Variants in CPED1 observed in about 807,000 individuals in gnomAD.
CPED1 encodes cadherin-like and PC-esterase domain-containing protein 1.
In CPED1, 114 loss-of-function variants were observed where a neutral mutation model predicts 128.2. The observed-to-expected ratio is 0.89, with a 90% CI of 0.76 to 1.04. The LOEUF is 1.04. Ranked by LOEUF, CPED1 falls within the 50% of genes least tolerant of loss-of-function variation. CPED1 has a pLI of 0.00. For missense variants in CPED1, 1,211 were observed against 1,207.1 expected (o/e 1.00, Z -0.05); for synonymous variants, 462 against 426.7 (o/e 1.08, Z -1.02).
intron 22 of CPED1, among the ~76,000 whole-genome samples, chr7:121,288,502 A>G (rs897562733): frequency 1.3e-5 from 2 of 152,184 alleles, no homozygotes; most frequent in African/African-American, 4.8e-5. Flanking sequence ...TAGGTTATCA[A>G]CCTTCCATTG....
At chr7:121,086,153 G>C (rs1411386243) in intron 5 of CPED1, among the ~76,000 whole-genome samples, 1 of 151,496 alleles carries the variant, frequency 6.6e-6, no homozygotes, top group East Asian at 1.9e-4. Flanking sequence ...TCCCGTGTAG[G>C]TCAGCCCAGC....
At chr7:121,070,595 T>A (rs1200101953) in intron 5 of CPED1, among the ~76,000 whole-genome samples, 2 of 152,178 alleles carry the variant, frequency 1.3e-5, no homozygotes, top group Non-Finnish European at 2.9e-5. Flanking sequence ...TGCATTTTTA[T>A]AAAAGAAGCT....
chr7:121,271,316 G>T lies in CPED1; in HGVS notation c.2754G>T (p.Leu918Phe). 6.2e-7 allele frequency: 1 copy of T among 1,611,616 alleles called. No individual in the cohort carries two copies. Among genetic ancestry groups the T allele is most frequent in the South Asian group, 1.1e-5 (1 of 90,778 alleles). ...TACAGAACTTATGGAAAGAAAATTT[G>T]ATTATTCTGGATACTGCAAAAAAAC... ...SEVQNLWKENLIILDTAKKHG... is the reference protein window; with the variant it reads ...SEVQNLWKENFIILDTAKKHG... The change falls in exon 22 of 23, where the codon TTG becomes TTT. Residue 918 changes from leucine (L) to phenylalanine (F), a missense_variant. Physicochemically the swap from Leu to Phe is conservative, Grantham distance 22. Coordinates refer to ENST00000310396, the MANE Select transcript of CPED1 (RefSeq NM_024913.5).
At chr7:121,198,238 T>C (rs1330048629) in intron 16 of CPED1, among the ~76,000 whole-genome samples, 2 of 152,184 alleles carry the variant, frequency 1.3e-5, no homozygotes, top group Admixed American at 6.5e-5. Flanking sequence ...AAAAATGTTA[T>C]TGAACCAAAC....
At chr7:121,097,126 T>G (rs577055917) in intron 5 of CPED1, among the ~76,000 whole-genome samples, 3 of 152,298 alleles carry the variant, frequency 2.0e-5, no homozygotes, top group African/African-American at 7.2e-5. Context: ...TAACTTTATT[T>G]TTAAGCATGT....
chr7:121,049,612 G>GT (rs1352884073), intron 4 of CPED1, among the ~76,000 whole-genome samples: 2 of 152,216 alleles, frequency 1.3e-5, no homozygotes, highest in Non-Finnish European at 2.9e-5. Flanking sequence ...GCTATTCAAG[G>GT]TTTTTTGTGA....
chr7:121,089,634 T>C (rs1039380901), intron 5 of CPED1, among the ~76,000 whole-genome samples: 1 of 152,186 alleles, frequency 6.6e-6, no homozygotes, highest in African/African-American at 2.4e-5. Flanking sequence ...TTCAATGATA[T>C]CTGATAGTTA....
intron 2 of CPED1, among the ~76,000 whole-genome samples, chr7:121,011,837 A>G (rs1196760872): frequency 6.6e-6 from 1 of 152,204 alleles, no homozygotes; most frequent in African/African-American, 2.4e-5. Context: ...GCTTTTTAGG[A>G]CATAGATCAA....
intron 10 of CPED1, among the ~76,000 whole-genome samples, chr7:121,127,866 A>G (rs1034583260): frequency 6.6e-6 from 1 of 151,960 alleles, no homozygotes; most frequent in African/African-American, 2.4e-5. Context: ...ATACTTTTTT[A>G]TTTTTTAATT....
chr7:121,097,631 C>CT, intron 5 of CPED1, 68 bp from the exon 6 acceptor site: 1 of 1,566,792 alleles, frequency 6.4e-7, no homozygotes. Context: ...ACAGCATACT[C>CT]TATTTTCAAA....
chr7:121,077,764 A>G (rs1794169750), intron 5 of CPED1, among the ~76,000 whole-genome samples: 1 of 151,586 alleles, frequency 6.6e-6, no homozygotes. Flanking sequence ...ATACACTTAC[A>G]TATTTACAAA....
At chr7:121,063,041 G>T (rs925576801) in intron 4 of CPED1, 1 of 152,152 alleles carries the variant, frequency 6.6e-6, no homozygotes, top group African/African-American at 2.4e-5. Context: ...TAAACACTTT[G>T]GTGTCCTTGT....
chr7:121,156,003 CA>C (rs1323947735), intron 16 of CPED1, among the ~76,000 whole-genome samples: 1 of 151,756 alleles, frequency 6.6e-6, no homozygotes, highest in Non-Finnish European at 1.5e-5. Flanking sequence ...AACTCAATAG[CA>C]AAAAAATAAA....
chr7:121,146,662 A>G (rs1329463467), intron 16 of CPED1, among the ~76,000 whole-genome samples: 3 of 152,178 alleles, frequency 2.0e-5, no homozygotes, highest in African/African-American at 7.2e-5. Flanking sequence ...AGATAATTTG[A>G]TTAATTTATT....
intron 12 of CPED1, 56 bp downstream of exon 12, chr7:121,130,350 T>C: frequency 6.9e-7 from 1 of 1,455,842 alleles, no homozygotes; most frequent in Non-Finnish European, 9.2e-7. Context: ...GTTTACAGAT[T>C]GATTTCAAAA....
In CPED1 at chr7:121,095,018, G is replaced by A. The variant is rs76025387; in HGVS notation, c.617-2681G>A. Among the ~76,000 whole-genome samples, 3 of 152,268 alleles carry A rather than the reference G, an allele frequency of 2.0e-5. No homozygotes were observed. The East Asian group carries it at 5.8e-4, about 29-fold the overall frequency. ...GTTTGCATATTATGCGGGCAGGAAA[G>A]CCCTAAAGAGTCATGCCTAGGTATT... On this transcript the variant is annotated intron_variant, in intron 5 of 22. Coordinates refer to ENST00000310396, the MANE Select transcript of CPED1 (RefSeq NM_024913.5).
At chr7:121,108,488 T>A (rs536970513) in intron 7 of CPED1, among the ~76,000 whole-genome samples, 1 of 152,244 alleles carries the variant, frequency 6.6e-6, no homozygotes, top group South Asian at 2.1e-4. Flanking sequence ...CAGCTCAAAT[T>A]CATATCATAA....
At chr7:121,288,086 A>G (rs1325258418) in intron 22 of CPED1, among the ~76,000 whole-genome samples, 2 of 152,174 alleles carry the variant, frequency 1.3e-5, no homozygotes, top group Non-Finnish European at 2.9e-5. Context: ...AACATTTTGC[A>G]TTCCTGAAAT....
chr7:121,194,038 ATATATATATAT>A (rs1337363880), intron 16 of CPED1, among the ~76,000 whole-genome samples: 4 of 107,678 alleles, frequency 3.7e-5, no homozygotes, highest in African/African-American at 1.5e-4. Context: ...ATATATATAT[ATATATATATAT>A]TTTTTTTTTT....
Sources: allele counts gnomAD v4.1 joint callset (sites outside exome capture counted in the v4.1 genomes callset), GRCh38; gene constraint gnomAD v4.1.1; transcripts MANE v1.5; gene names NCBI Gene and HGNC (gene_info 2026-07-23, HGNC 2026-07-21).